Variants in CEP85L observed in about 807,000 individuals in gnomAD.
CEP85L encodes the protein centrosomal protein 85L, also known as centrosomal protein of 85 kDa-like.
A neutral mutation model predicts 100.3 loss-of-function variants in CEP85L; 60 were observed. The ratio of observed to expected loss-of-function variants is 0.60; its 90% confidence interval spans 0.49 to 0.74. The LOEUF (loss-of-function observed/expected upper bound fraction) is 0.74, where lower values mean the gene tolerates loss of function less well. CEP85L is among the 30% of genes least tolerant of loss of function. CEP85L has a pLI of 0.00. For missense variants in CEP85L, 973 were observed against 936.2 expected, an observed-to-expected ratio of 1.04 and a Z score of -0.51; for synonymous variants, 319 against 322.7, an observed-to-expected ratio of 0.99 and a Z score of 0.12.
chr6:118,549,869 C>A (rs1295661934), intron 3 of CEP85L, among the ~76,000 whole-genome samples: 2 of 151,698 alleles, frequency 1.3e-5, no homozygotes, highest in East Asian at 3.8e-4. Flanking sequence ...TTAAACTTAC[C>A]CTTAGCTCAC....
At chr6:118,650,960 TG>T (rs1405374156) in intron 1 of CEP85L, among the ~76,000 whole-genome samples, 1 of 152,206 alleles carries the variant, frequency 6.6e-6, no homozygotes. Flanking sequence ...GCGCTGGGGC[TG>T]CAGCCCAAGG....
intron 2 of CEP85L, among the ~76,000 whole-genome samples, chr6:118,612,157 T>C (rs1256765738): frequency 6.6e-6 from 1 of 151,394 alleles, no homozygotes; most frequent in Non-Finnish European, 1.5e-5. Flanking sequence ...TGGAAAAAAC[T>C]AGAAATTAAT....
At chr6:118,657,833 T>C (rs1247034401) in intron 1 of CEP85L, among the ~76,000 whole-genome samples, 1 of 152,242 alleles carries the variant, frequency 6.6e-6, no homozygotes, top group East Asian at 1.9e-4. Context: ...AGGATTTTAA[T>C]TCATTAATTA....
upstream of CEP85L, chr6:118,652,801 A>G (rs189505957): frequency 5.0e-3 from 6,479 of 1,307,486 alleles, 31 homozygotes; most frequent in Admixed American, 7.0e-3. Flanking sequence ...GCCAAGGGTC[A>G]GCTGTTTCTG....
intron 2 of CEP85L, among the ~76,000 whole-genome samples, chr6:118,599,769 G>A (rs1354191415): frequency 1.3e-5 from 2 of 152,132 alleles, no homozygotes; most frequent in Admixed American, 6.5e-5. Flanking sequence ...CATATCTGTA[G>A]TATTCTTGCC....
chr6:118,483,651 G>A, intron 7 of CEP85L, 55 bp downstream of exon 7: 1 of 1,531,524 alleles, frequency 6.5e-7, no homozygotes, highest in East Asian at 2.3e-5. Flanking sequence ...AATTTCTAGA[G>A]TCAAGTTAAC....
chr6:118,566,559 A>G lies in CEP85L; in HGVS notation c.233-243T>C, dbSNP rs148170980. Among the ~76,000 whole-genome samples the G allele has an allele frequency of 8.1e-3, 1,240 of 152,182 alleles. 14 individuals are homozygous for G. The highest frequency in any genetic ancestry group is 0.028 in the African/African-American group (1,178 of 41,524). ...CAGCCTCCCGAGTAGCAGGGATTCCAGGCGCCTGCCAGCACGCCCGACTAA... is the reference window on the plus strand; with the variant it reads ...CAGCCTCCCGAGTAGCAGGGATTCCGGGCGCCTGCCAGCACGCCCGACTAA... On this transcript the variant is annotated intron_variant, in intron 2 of 12. Coordinates refer to ENST00000368491, the MANE Select transcript of CEP85L (RefSeq NM_001042475.3).
chr6:118,623,038 G>A (rs1280423930), intron 2 of CEP85L, among the ~76,000 whole-genome samples: 1 of 152,198 alleles, frequency 6.6e-6, no homozygotes, highest in East Asian at 1.9e-4. Context: ...AGAGGGAAAG[G>A]TGCTCATACC....
intron 1 of CEP85L, among the ~76,000 whole-genome samples, chr6:118,641,430 G>A (rs1479500063): frequency 6.6e-6 from 1 of 152,008 alleles, no homozygotes; most frequent in African/African-American, 2.4e-5. Flanking sequence ...TTATCTTTAG[G>A]AAAAAGTAAT....
chr6:118,563,717 C>T (rs887221598), intron 3 of CEP85L, among the ~76,000 whole-genome samples: 2 of 152,156 alleles, frequency 1.3e-5, no homozygotes, highest in Non-Finnish European at 2.9e-5. Context: ...TCCCAAATTG[C>T]TGGGATTACA....
intron 1 of CEP85L, among the ~76,000 whole-genome samples, chr6:118,709,633 AT>A (rs1157459358): frequency 6.6e-6 from 1 of 151,662 alleles, no homozygotes; most frequent in Non-Finnish European, 1.5e-5. Flanking sequence ...TGTTTTACGA[AT>A]AATAGGAAAG....
At chr6:118,531,014 T>A (rs1424128872) in intron 3 of CEP85L, among the ~76,000 whole-genome samples, 1 of 152,044 alleles carries the variant, frequency 6.6e-6, no homozygotes, top group African/African-American at 2.4e-5. Flanking sequence ...CTTGTAAAAT[T>A]CATATGGATC....
At chr6:118,524,944 A>T (rs1242786573) in intron 3 of CEP85L, among the ~76,000 whole-genome samples, 1 of 152,110 alleles carries the variant, frequency 6.6e-6, no homozygotes, top group Non-Finnish European at 1.5e-5. Flanking sequence ...TCACCTGGTG[A>T]CCTGGAAATC....
intron 1 of CEP85L, among the ~76,000 whole-genome samples, chr6:118,674,526 A>AAAAAAAAAAC (rs1554243934): frequency 9.3e-4 from 141 of 151,294 alleles, no homozygotes; most frequent in African/African-American, 3.3e-3. Context: ...TCCATCTCAA[A>AAAAAAAAAAC]AAAAAAAAAA....
intron 10 of CEP85L, among the ~76,000 whole-genome samples, chr6:118,474,146 G>C (rs1773176288): frequency 6.6e-6 from 1 of 152,078 alleles, no homozygotes; most frequent in Admixed American, 6.5e-5. Flanking sequence ...TTCTGGAAAT[G>C]GTCCTAAGAG....
At chr6:118,648,739 C>CAAAAAA (rs11442696) in intron 1 of CEP85L, among the ~76,000 whole-genome samples, 1 of 73,316 alleles carries the variant, frequency 1.4e-5, no homozygotes, top group African/African-American at 4.4e-5. Flanking sequence ...AAGACTGTCT[C>CAAAAAA]AAAAAAAAAA....
chr6:118,670,420 CTTCT>C (rs979041269), intron 1 of CEP85L, among the ~76,000 whole-genome samples: 3 of 151,296 alleles, frequency 2.0e-5, no homozygotes, highest in African/African-American at 7.3e-5. Flanking sequence ...TCTGTTTTCT[CTTCT>C]TTGTGTTTCC....
At chr6:118,626,983 T>G (rs1252841915) in intron 2 of CEP85L, among the ~76,000 whole-genome samples, 1 of 152,052 alleles carries the variant, frequency 6.6e-6, no homozygotes, top group Non-Finnish European at 1.5e-5. Context: ...GTGGATCACT[T>G]GAGGCCAGGA....
rs1583278358 is a variant in CEP85L, at chr6:118,707,977, G to A, written c.-28+2059C>T. 4.7e-5 allele frequency among the ~76,000 whole-genome samples: 7 copies of A among 149,546 alleles called. 1 individual carries two copies. The South Asian group carries it at 1.5e-3, about 32-fold the overall frequency. ...GAGAAAGAGTTGCTTTTTTGGGGGG[G>A]GGACGGGGGGGAAACAATCTGGCAG... On this transcript the variant is annotated intron_variant, in intron 1 of 13. Transcript: ENST00000368488.
Sources: gnomAD v4.1 joint callset for allele counts (sites outside exome capture counted in the v4.1 genomes callset) on GRCh38, gnomAD v4.1.1 for gene constraint, MANE v1.5 for transcripts, NCBI Gene and HGNC (gene_info 2026-07-23, HGNC 2026-07-21) for gene names.